The following RNF17 variants were observed in gnomAD, a reference collection of about 807,000 sequenced individuals.
RNF17 encodes the protein spermatogenesis associated 23.
In RNF17, 31 loss-of-function variants were observed where a neutral mutation model predicts 200.5. That is an observed-to-expected ratio of 0.15 (90% CI 0.12 to 0.21). RNF17 has a LOEUF of 0.21. Among genes scored for constraint, RNF17 ranks in the 10% least tolerant of loss-of-function variants. The pLI is 1.00. For synonymous variants in RNF17, 606 were observed against 637.8 expected (o/e 0.95, Z 0.75); for missense variants, 1,628 against 1,905.1 (o/e 0.85, Z 2.71).
intron 13 of RNF17, 117 bp downstream of exon 13, chr13:24,800,651 T>C (rs185578971): frequency 2.8e-6 from 2 of 708,334 alleles, no homozygotes; most frequent in Non-Finnish European, 2.2e-6. Context: ...AAATACATAG[T>C]GCATATTAAA....
At chr13:24,815,447 GTGT>G (rs1887276365) in intron 15 of RNF17, among the ~76,000 whole-genome samples, 3 of 142,500 alleles carry the variant, frequency 2.1e-5, no homozygotes, top group African/African-American at 3.0e-5. Context: ...GTGTGTGTGT[GTGT>G]GTGTGTGTGT....
rs1302147724 is a variant in RNF17, at chr13:24,876,997, A to C, written c.4584A>C (p.Arg1528Ser). 1 of 1,586,162 alleles carries C rather than the reference A, an allele frequency of 6.3e-7. No individual in the cohort carries two copies. Among genetic ancestry groups the C allele is most frequent in the Non-Finnish European group, 8.5e-7 (1 of 1,170,908 alleles). Residue 1528 changes from arginine to serine, a missense_variant and splice_region_variant, in exon 34 of 36, where the codon AGA (arginine) becomes AGC (serine). Physicochemically the swap from Arg to Ser is moderately radical, Grantham distance 110 (BLOSUM62 -1). Transcript: ENST00000255324. ...YGSTAKLTLN[R>S]LCQIPSHLMR... ...AATGTAAGAATTTCTTTTGTGACAG[A>C]CTGTGCCAAATTCCTTCTCATCTTA...
chr13:24,816,266 T>C (rs1464052041), intron 15 of RNF17, among the ~76,000 whole-genome samples: 1 of 152,182 alleles, frequency 6.6e-6, no homozygotes, highest in Non-Finnish European at 1.5e-5. Context: ...AGGTGTATAA[T>C]CTTTTTATCA....
At chr13:24,847,124 A>G (rs1383691993) in intron 22 of RNF17, among the ~76,000 whole-genome samples, 1 of 152,100 alleles carries the variant, frequency 6.6e-6, no homozygotes, top group Admixed American at 6.5e-5. Context: ...TATACAATAT[A>G]CCTTAACATT....
Position 24,854,057 on chromosome 13 carries a change from C to G in RNF17, c.3523C>G (p.Pro1175Ala). Residue 1175 changes from proline (P) to alanine (A), a missense_variant, in exon 25 of 36, where the codon CCA becomes GCA. Pro to Ala is a conservative substitution (Grantham distance 27). Around this residue, in one of 5 missense-constraint regions of RNF17, gnomAD observed 609 missense variants for 681.9 expected, o/e 0.89. Transcript: ENST00000255324. ...AAGAACCACTAGAGGGTATAAGCCA[C>G]CAGCTATTCCTAACATGAACGTATT... ...EPRTTRGYKP[P>A]AIPNMNVFEA... The G allele has an allele frequency of 6.2e-7, 1 of 1,613,860 alleles. No individual in the cohort carries two copies. Among genetic ancestry groups the G allele is most frequent in the Non-Finnish European group, 8.5e-7 (1 of 1,179,808 alleles).
At chr13:24,883,243 C>CTT, downstream of RNF17, 1 of 1,614,056 alleles carries the variant, frequency 6.2e-7, no homozygotes, top group South Asian at 1.1e-5. Flanking sequence ...CGGATCTGTA[C>CTT]TTCGTTTCTT....
intron 7 of RNF17, 70 bp from the exon 8 acceptor site, chr13:24,789,278 C>G: frequency 9.5e-7 from 1 of 1,048,052 alleles, no homozygotes; most frequent in Admixed American, 1.9e-5. Context: ...AGTTTTCTTT[C>G]TAAAATCTTA....
chr13:24,807,999 A>G (rs1407490512), intron 15 of RNF17, among the ~76,000 whole-genome samples: 2 of 151,372 alleles, frequency 1.3e-5, no homozygotes, highest in African/African-American at 2.4e-5. Context: ...TGTTCCATTG[A>G]TCTATATCTC....
chr13:24,856,550 C>T (rs2138270235), intron 25 of RNF17, among the ~76,000 whole-genome samples: 1 of 151,682 alleles, frequency 6.6e-6, no homozygotes. Flanking sequence ...ATTGATTTTT[C>T]AGTAGGTAAG....
intron 15 of RNF17, among the ~76,000 whole-genome samples, chr13:24,811,642 C>G (rs896617028): frequency 6.6e-6 from 1 of 152,188 alleles, no homozygotes; most frequent in African/African-American, 2.4e-5. Context: ...TCTCTCAGGT[C>G]GTCAAAGTCA....
rs114782394 is a variant in RNF17, at chr13:24,858,314, T to G, written c.3611-687T>G. Among the ~76,000 whole-genome samples, 1,138 of 152,304 alleles carry G rather than the reference T, an allele frequency of 7.5e-3. 15 individuals are homozygous for G. Among genetic ancestry groups the G allele is most frequent in the African/African-American group, 0.025 (1,051 of 41,556 alleles). ...AACTTTGCTTGACATGTATAAATAG[T>G]CATTGTTCAAACTAGTAGCCTGTTA... On this transcript the variant is annotated intron_variant, in intron 25 of 35. Coordinates refer to ENST00000255324, the MANE Select transcript of RNF17 (RefSeq NM_031277.3).
intron 15 of RNF17, among the ~76,000 whole-genome samples, chr13:24,805,277 A>G (rs545793037): frequency 6.6e-5 from 10 of 152,348 alleles, no homozygotes; most frequent in Non-Finnish European, 1.0e-4. Flanking sequence ...CATTAAGGCC[A>G]TTAAGTGTTG....
chr13:24,881,572 CAGGAG>C (rs1276603879), downstream of RNF17, among the ~76,000 whole-genome samples: 5 of 151,430 alleles, frequency 3.3e-5, no homozygotes, highest in East Asian at 9.9e-4. Flanking sequence ...AGAGATATCT[CAGGAG>C]AGGTAAGGAT....
intron 23 of RNF17, among the ~76,000 whole-genome samples, chr13:24,850,883 T>G (rs528979448): frequency 3.9e-5 from 6 of 152,314 alleles, no homozygotes; most frequent in African/African-American, 1.2e-4. Context: ...AACTCCCCAT[T>G]CTGTGACTGG....
At chr13:24,828,101 C>A (rs915025431) in intron 16 of RNF17, among the ~76,000 whole-genome samples, 3 of 152,168 alleles carry the variant, frequency 2.0e-5, no homozygotes, top group Admixed American at 1.3e-4. Context: ...AAAGCATTTT[C>A]ATGACACTAA....
At chr13:24,827,723 A>AAAAAAAAAC (rs1888883489) in intron 16 of RNF17, among the ~76,000 whole-genome samples, 1 of 148,154 alleles carries the variant, frequency 6.7e-6, no homozygotes, top group African/African-American at 2.5e-5. Flanking sequence ...AAAAACAAAA[A>AAAAAAAAAC]AAAAAAAACA....
intron 1 of RNF17, among the ~76,000 whole-genome samples, chr13:24,764,636 G>A (rs1356872781): frequency 6.6e-6 from 1 of 152,196 alleles, no homozygotes; most frequent in Non-Finnish European, 1.5e-5. Context: ...GCAGGTTAGC[G>A]GGTGCATGCA....
chr13:24,776,665 G>A (rs1025351265), intron 3 of RNF17, among the ~76,000 whole-genome samples: 3 of 152,070 alleles, frequency 2.0e-5, no homozygotes, highest in Admixed American at 6.6e-5. Flanking sequence ...ACACCTACAC[G>A]AATTAAGCAG....
At chr13:24,811,714 C>T (rs983395411) in intron 15 of RNF17, among the ~76,000 whole-genome samples, 17 of 149,836 alleles carry the variant, frequency 1.1e-4, no homozygotes, top group Middle Eastern at 3.5e-3. Flanking sequence ...GGAGGAGAGG[C>T]GCTCTGCTTT....
Sources: gnomAD v4.1 joint callset for allele counts (sites outside exome capture counted in the v4.1 genomes callset) on GRCh38, gnomAD v4.1.1 for gene constraint, gnomAD v4.1.1 regional missense constraint, MANE v1.5 for transcripts, NCBI Gene and HGNC (gene_info 2026-07-23, HGNC 2026-07-21) for gene names.